The following CSGALNACT1 variants were observed in gnomAD, a reference collection of about 807,000 sequenced individuals.
The protein encoded by CSGALNACT1 is chondroitin sulfate N-acetylgalactosaminyltransferase 1.
In CSGALNACT1, 52 loss-of-function variants were observed where a neutral mutation model predicts 51.0. That is an observed-to-expected ratio of 1.02 (90% CI 0.82 to 1.29). CSGALNACT1 has a LOEUF of 1.29. Ranked by LOEUF, CSGALNACT1 falls within the 50% of genes most tolerant of loss-of-function variation. CSGALNACT1 has a pLI of 0.00. For missense variants in CSGALNACT1, 935 were observed against 679.2 expected (o/e 1.38, Z -4.19); for synonymous variants, 341 against 254.4 (o/e 1.34, Z -3.24).
At position 19,587,377 on chromosome 8, in the gene CSGALNACT1, C is replaced by G. The variant is rs372639934; in HGVS notation, c.-297+3783G>C. Among the ~76,000 whole-genome samples, 326 of 152,310 alleles carry G rather than the reference C, an allele frequency of 2.1e-3. 3 individuals carry two copies. The highest frequency in any genetic ancestry group is 7.6e-3 in the African/African-American group (316 of 41,558). On this transcript the variant is annotated intron_variant, in intron 3 of 9. Coordinates refer to ENST00000454498, the Ensembl canonical transcript of CSGALNACT1. Reference sequence around the variant, plus strand: ...CCCCAAATGCAGTGCTTCTCAAAGGCTACTGGGTGAGGCCATTGTTCCTAA... The same window carrying G: ...CCCCAAATGCAGTGCTTCTCAAAGGGTACTGGGTGAGGCCATTGTTCCTAA...
At chr8:19,449,459 A>G (rs1222657795) in intron 5 of CSGALNACT1, among the ~76,000 whole-genome samples, 1 of 152,064 alleles carries the variant, frequency 6.6e-6, no homozygotes, top group African/African-American at 2.4e-5. Flanking sequence ...ATGATCCAAC[A>G]TTTGCTGACC....
At chr8:19,607,949 GATGT>G (rs765018587) in intron 1 of CSGALNACT1, among the ~76,000 whole-genome samples, 3 of 152,138 alleles carry the variant, frequency 2.0e-5, no homozygotes, top group East Asian at 1.9e-4. Context: ...CTGAGACTTA[GATGT>G]TAAGACTAGG....
At chr8:19,486,164 A>T (rs138497805) in intron 4 of CSGALNACT1, among the ~76,000 whole-genome samples, 1 of 151,810 alleles carries the variant, frequency 6.6e-6, no homozygotes, top group Non-Finnish European at 1.5e-5. Context: ...AGATGCTTCT[A>T]TGACTTGTGT....
At chr8:19,405,638 G>T in exon 10 of CSGALNACT1, 1 of 1,113,952 alleles carries the variant, frequency 9.0e-7, no homozygotes, top group Non-Finnish European at 1.3e-6. Flanking sequence ...GCCCAACAGA[G>T]AGAAATCGGA....
intron 3 of CSGALNACT1, among the ~76,000 whole-genome samples, chr8:19,577,790 T>C (rs2044614515): frequency 1.3e-5 from 2 of 152,192 alleles, no homozygotes; most frequent in Admixed American, 6.5e-5. Context: ...TTGGAGTTAA[T>C]ACTGTGTCTT....
rs538002958 is a variant in CSGALNACT1, at chr8:19,490,170, G to C, written c.634+15031C>G. 9.9e-5 allele frequency among the ~76,000 whole-genome samples: 15 copies of C among 152,214 alleles called. No homozygotes were observed. In the South Asian group the frequency reaches 2.9e-3, roughly 29 times the overall value. ...CGACTTCCCAGCTCCTCTTTAAATA[G>C]CGCATGGAACATCACTAATTTAGGC... On this transcript the variant is annotated intron_variant, in intron 4 of 9. Transcript: ENST00000454498.
At chr8:19,431,067 T>G (rs769142804) in intron 6 of CSGALNACT1, among the ~76,000 whole-genome samples, 4 of 152,144 alleles carry the variant, frequency 2.6e-5, no homozygotes, top group African/African-American at 4.8e-5. Context: ...TTAGCTCTAA[T>G]AGTTTTGTGG....
intron 4 of CSGALNACT1, among the ~76,000 whole-genome samples, chr8:19,494,122 C>T (rs2074992033): frequency 6.6e-6 from 1 of 152,092 alleles, no homozygotes; most frequent in African/African-American, 2.4e-5. Context: ...TAATCTTGGC[C>T]CTGCTTAATT....
At chr8:19,565,737 G>T (rs939927933) in intron 3 of CSGALNACT1, among the ~76,000 whole-genome samples, 1 of 152,122 alleles carries the variant, frequency 6.6e-6, no homozygotes. Context: ...TGGCCAACAC[G>T]GTGAAACGCT....
intron 1 of CSGALNACT1, among the ~76,000 whole-genome samples, chr8:19,648,551 T>C (rs1433541930): frequency 1.3e-5 from 2 of 152,350 alleles, no homozygotes; most frequent in South Asian, 2.1e-4. Flanking sequence ...CTGATACCTG[T>C]CATCCCAGCA....
chr8:19,736,846 G>T (rs1173665482), intron 1 of CSGALNACT1, among the ~76,000 whole-genome samples: 1 of 151,864 alleles, frequency 6.6e-6, no homozygotes, highest in Non-Finnish European at 1.5e-5. Context: ...TATTTTCAAA[G>T]AAATAATGGC....
intron 6 of CSGALNACT1, 100 bp downstream of exon 5, chr8:19,439,730 G>C: frequency 1.1e-6 from 1 of 910,456 alleles, no homozygotes; most frequent in Admixed American, 2.0e-5. Flanking sequence ...TTCACCCACA[G>C]TGTAAAGGAA....
chr8:19,727,497 G>A lies in CSGALNACT1; in HGVS notation c.-297+30353C>T, dbSNP rs1008151506. The stretch of plus-strand genomic sequence containing the variant: ...CCCAAGCAGCTGAGACTACAGGCGC[G>A]TGTCATCACAGCTGGCTAAATTTTT... On this transcript the variant is annotated intron_variant, in intron 1 of 1. Coordinates refer to the CSGALNACT1 transcript ENST00000517494. 1.2e-4 allele frequency among the ~76,000 whole-genome samples: 18 copies of A among 146,814 alleles called. 1 individual carries two copies. The highest frequency in any genetic ancestry group is 1.6e-4 in the Non-Finnish European group (11 of 66,752).
chr8:19,577,401 C>CAAAAAAAAAAA lies in CSGALNACT1; in HGVS notation c.-297+13748_-297+13758dup, dbSNP rs111734132. The stretch of plus-strand genomic sequence containing the variant: ...ACAACGAAGCCCGACCCCACCTCTA[C>CAAAAAAAAAAA]AAAAAAAAAAAAAGCCTAGTATGGT... On this transcript the variant is annotated intron_variant, in intron 3 of 9. Transcript: ENST00000454498. Among the ~76,000 whole-genome samples, 18 of 104,260 alleles carry CAAAAAAAAAAA rather than the reference C, an allele frequency of 1.7e-4. 1 individual carries two copies. Among genetic ancestry groups the CAAAAAAAAAAA allele is most frequent in the African/African-American group, 7.8e-4 (18 of 23,106 alleles). The allele number at this position is 104,260 out of a possible 152,430, so 68.4% of individuals were successfully genotyped here.
chr8:19,436,694 G>A (rs1355538682), intron 6 of CSGALNACT1, among the ~76,000 whole-genome samples: 1 of 152,100 alleles, frequency 6.6e-6, no homozygotes, highest in African/African-American at 2.4e-5. Context: ...ATTGCTCAAG[G>A]CCAGGGGTTT....
intron 3 of CSGALNACT1, among the ~76,000 whole-genome samples, chr8:19,548,611 A>G (rs989950919): frequency 6.6e-6 from 1 of 152,180 alleles, no homozygotes; most frequent in Admixed American, 6.5e-5. Context: ...ACATGTGTAA[A>G]TATACTTTTA....
At chr8:19,623,398 C>G (rs1003673538) in intron 1 of CSGALNACT1, among the ~76,000 whole-genome samples, 1 of 152,188 alleles carries the variant, frequency 6.6e-6, no homozygotes, top group African/African-American at 2.4e-5. Context: ...TGTTTCTATA[C>G]TTTTGCTTTT....
chr8:19,577,854 T>C (rs1320368508), intron 3 of CSGALNACT1, among the ~76,000 whole-genome samples: 1 of 152,190 alleles, frequency 6.6e-6, no homozygotes, highest in African/African-American at 2.4e-5. Flanking sequence ...CCAGGTCCCC[T>C]ATAGCACTCA....
At chr8:19,442,479 C>A (rs1048816959) in intron 5 of CSGALNACT1, among the ~76,000 whole-genome samples, 8 of 150,338 alleles carry the variant, frequency 5.3e-5, no homozygotes, top group African/African-American at 2.0e-4. Flanking sequence ...GACAAAAAAC[C>A]AAACACTGCA....
Sources: allele counts gnomAD v4.1 joint callset (sites outside exome capture counted in the v4.1 genomes callset), GRCh38; gene constraint gnomAD v4.1.1; transcripts MANE v1.5; gene names NCBI Gene and HGNC (gene_info 2026-07-23, HGNC 2026-07-21).